Variants in TUBGCP4 observed in about 807,000 individuals in gnomAD.
TUBGCP4 encodes the protein tubulin gamma complex component 4, also known as gamma-tubulin complex component 4.
Under a neutral mutation model 91.6 loss-of-function variants are expected in TUBGCP4, and 54 were observed. The observed-to-expected ratio is 0.59, with a 90% CI of 0.47 to 0.74. The LOEUF is 0.74. TUBGCP4 is among the 30% of genes least tolerant of loss of function. The probability of loss-of-function intolerance (pLI) is 0.00; values close to 1 mark genes in which losing one functional copy is unlikely to be tolerated. For missense variants in TUBGCP4, 593 were observed against 800.9 expected, an observed-to-expected ratio of 0.74 and a Z score of 3.13; for synonymous variants, 297 against 302.8, an observed-to-expected ratio of 0.98 and a Z score of 0.20.
rs1283668255 is a variant in TUBGCP4 at position 43,373,102 on chromosome 15, T to G, written c.78+1670T>G. ...GTGCCAAGTGTTAATGAAAATTATT[T>G]TATTATATTGAATATGTATATACAT... On this transcript the variant is annotated intron_variant, in intron 1 of 17. Coordinates refer to ENST00000564079, the MANE Select transcript of TUBGCP4 (RefSeq NM_014444.5). Among the ~76,000 whole-genome samples, 3 of 152,198 alleles carry G rather than the reference T, an allele frequency of 2.0e-5. No homozygotes were observed. In the East Asian group the frequency reaches 5.8e-4, roughly 29 times the overall value.
chr15:43,376,621 A>G lies in TUBGCP4; in HGVS notation c.326A>G (p.Gln109Arg). ...PYRQALLDLE[Q>R]EFLGDPHLSI... is the part of the protein sequence containing the mutation. ...CGCCAAGCACTGCTTGATTTGGAAC[A>G]AGAGGTAAGAAGGAGGAGATATAGG... The change falls in exon 3 of 18, where the codon CAA (glutamine) becomes CGA (arginine). Residue 109 changes from glutamine to arginine, a missense_variant. By Grantham distance (43) the Gln-to-Arg change is conservative. Transcript: ENST00000564079. 1 of 1,614,198 alleles carries G rather than the reference A, an allele frequency of 6.2e-7. No individual in the cohort carries two copies. The highest frequency in any genetic ancestry group is 8.5e-7 in the Non-Finnish European group (1 of 1,180,038).
In TUBGCP4 at chr15:43,395,513, G is replaced by GT. The variant is rs199601830; in HGVS notation, c.1066-69dup. The GT allele has an allele frequency of 1.4e-3, 1,582 of 1,128,046 alleles. 14 individuals carry two copies. The African/African-American group carries it at 0.021, about 15-fold the overall frequency. 69.9% of individuals were successfully genotyped at this position (1,128,046 alleles called of 1,614,324 possible). A position where few individuals can be genotyped will look rare whatever the true frequency, so the allele number is the denominator to read the frequency against. Reference sequence around the variant, plus strand: ...TGAAATTAGAAATTACTGTATACATGTAATTCCTCAGGACAGTGAGGAGCT... The same window carrying GT: ...TGAAATTAGAAATTACTGTATACATGTTAATTCCTCAGGACAGTGAGGAGCT... On this transcript the variant is annotated intron_variant, in intron 10 of 17. Coordinates refer to ENST00000564079, the MANE Select transcript of TUBGCP4 (RefSeq NM_014444.5).
chr15:43,400,537 A>G (rs1177405703), intron 14 of TUBGCP4, among the ~76,000 whole-genome samples: 1 of 152,180 alleles, frequency 6.6e-6, no homozygotes, highest in Non-Finnish European at 1.5e-5. Context: ...AGCTATGACT[A>G]CAGATACATG....
At chr15:43,398,332 G>A (rs2044615339) in intron 13 of TUBGCP4, 153 bp downstream of exon 13, 3 of 731,564 alleles carry the variant, frequency 4.1e-6, no homozygotes, top group South Asian at 3.4e-5. Flanking sequence ...GATCCCTTAA[G>A]CCCAGGATTT....
chr15:43,400,308 T>C, intron 14 of TUBGCP4, 87 bp downstream of exon 14: 2 of 1,068,340 alleles, frequency 1.9e-6, no homozygotes, highest in Non-Finnish European at 2.6e-6. Flanking sequence ...ACTACAAGTT[T>C]CTATTTGATA....
At position 43,405,304 on chromosome 15, in the gene TUBGCP4, A is replaced by G; in HGVS notation, c.*90A>G. On this transcript the variant is annotated 3_prime_UTR_variant, in exon 18 of 18. Transcript: ENST00000564079. ...CATCCCATTCTAGCCACACACAAATAAATATCTGCGGCTTAGTGATAGGAC... is the reference window on the plus strand; with the variant it reads ...CATCCCATTCTAGCCACACACAAATGAATATCTGCGGCTTAGTGATAGGAC... 1 of 1,467,788 alleles carries G rather than the reference A, an allele frequency of 6.8e-7. No homozygotes were observed. The highest frequency in any genetic ancestry group is 9.5e-7 in the Non-Finnish European group (1 of 1,049,646). 90.9% of individuals were successfully genotyped at this position (1,467,788 alleles called of 1,614,324 possible).
Position 43,407,117 on chromosome 15 carries a change from C to CGTAA in TUBGCP4, c.*1906_*1909dup, listed in dbSNP as rs145601219. 1,008 of 376,512 alleles carry CGTAA rather than the reference C, an allele frequency of 2.7e-3. 5 individuals are homozygous for CGTAA. Among genetic ancestry groups the CGTAA allele is most frequent in the South Asian group, 8.2e-3 (206 of 25,202 alleles). 23.3% of individuals were successfully genotyped at this position (376,512 alleles called of 1,614,324 possible). A position where few individuals can be genotyped will look rare whatever the true frequency, so the allele number is the denominator to read the frequency against. ...TCAATTTCCTTGGCCAGCTGTCCTCCGTAAGTGAATAAGCCTGTTGAAAGA... is the reference window on the plus strand; with the variant it reads ...TCAATTTCCTTGGCCAGCTGTCCTCCGTAAGTAAGTGAATAAGCCTGTTGAAAGA... On this transcript the variant is annotated 3_prime_UTR_variant, in exon 18 of 18. Coordinates refer to ENST00000564079, the MANE Select transcript of TUBGCP4 (RefSeq NM_014444.5).
rs949167667 is a variant in TUBGCP4, at chr15:43,376,185, A to G, written c.166A>G (p.Thr56Ala). 6.2e-7 allele frequency: 1 copy of G among 1,614,030 alleles called. No individual in the cohort carries two copies. Among genetic ancestry groups the G allele is most frequent in the Non-Finnish European group, 8.5e-7 (1 of 1,180,006 alleles). ...CRLGTDYIRF[T>A]EFIEQYTGHV... ...GCTCGGCACAGACTATATTCGCTTCACTGAGTTCATTGAACAGTACACGGG... is the reference window on the plus strand; with the variant it reads ...GCTCGGCACAGACTATATTCGCTTCGCTGAGTTCATTGAACAGTACACGGG... Residue 56 changes from threonine to alanine, a missense_variant, in exon 2 of 18, where the codon ACT becomes GCT. Coordinates refer to ENST00000564079, the MANE Select transcript of TUBGCP4 (RefSeq NM_014444.5).
Position 43,405,194 on chromosome 15 carries a change from T to C in TUBGCP4, c.1989-8T>C, listed in dbSNP as rs368215860. On this transcript the variant is annotated splice_polypyrimidine_tract_variant and splice_region_variant and intron_variant, in intron 17 of 17. Transcript: ENST00000564079. The stretch of plus-strand genomic sequence containing the variant: ...GACACTTAATAAGGCTCTTTTTCTC[T>C]TTTGTAGTTTCGGGATGTGAAAATT... 27 of 1,614,054 alleles carry C rather than the reference T, an allele frequency of 1.7e-5. No individual in the cohort carries two copies. The African/African-American group carries it at 3.2e-4, about 19-fold the overall frequency.
In TUBGCP4 at chr15:43,377,139, T is replaced by C. The variant is rs2044218122; in HGVS notation, c.384+72T>C. On this transcript the variant is annotated intron_variant, in intron 4 of 17. Coordinates refer to ENST00000564079, the MANE Select transcript of TUBGCP4 (RefSeq NM_014444.5). Reference sequence around the variant, plus strand: ...TAGAATAATCTAATTTATGGTACTGTTTTTGAGAACTTTTTTTCTTCTGGA... The same window carrying C: ...TAGAATAATCTAATTTATGGTACTGCTTTTGAGAACTTTTTTTCTTCTGGA... 3.7e-6 allele frequency: 5 copies of C among 1,340,874 alleles called. No individual in the cohort carries two copies. The Admixed American group carries it at 9.2e-5, about 25-fold the overall frequency. The allele number at this position is 1,340,874 out of a possible 1,614,324, so 83.1% of individuals were successfully genotyped here. A position where few individuals can be genotyped will look rare whatever the true frequency, so the allele number is the denominator to read the frequency against.
chr15:43,401,778 T>A lies in TUBGCP4; in HGVS notation c.1659T>A (p.Phe553Leu), dbSNP rs1285114965. The change falls in exon 15 of 18, where the codon TTT becomes TTA. Residue 553 changes from phenylalanine (F) to leucine (L), a missense_variant. Physicochemically the swap from Phe to Leu is conservative, Grantham distance 22 (BLOSUM62 0). Transcript: ENST00000564079. ...LLHQINSTRD[F>L]ESIRLAHDHF... ...ATCAGATCAATTCTACCCGAGACTT[T>A]GAAAGCATCCGATTGGCTCATGACC... 1.2e-6 allele frequency: 2 copies of A among 1,614,166 alleles called. No individual in the cohort carries two copies. The highest frequency in any genetic ancestry group is 1.7e-6 in the Non-Finnish European group (2 of 1,180,014).
At chr15:43,401,057 G>T (rs989431084) in intron 14 of TUBGCP4, among the ~76,000 whole-genome samples, 1 of 151,952 alleles carries the variant, frequency 6.6e-6, no homozygotes, top group African/African-American at 2.4e-5. Flanking sequence ...ATTATTTATT[G>T]TTGACTTGCC....
intron 9 of TUBGCP4, among the ~76,000 whole-genome samples, chr15:43,393,531 G>A (rs1028662864): frequency 1.2e-4 from 18 of 151,788 alleles, no homozygotes; most frequent in Non-Finnish European, 1.8e-4. Context: ...GTGCCATGTT[G>A]GTGTGCTGCA....
Position 43,401,762 on chromosome 15 carries a change from A to T in TUBGCP4, c.1643A>T (p.Asn548Ile). 1.2e-6 allele frequency: 2 copies of T among 1,614,166 alleles called. No homozygotes were observed. Among genetic ancestry groups the T allele is most frequent in the Middle Eastern group, 1.6e-4 (1 of 6,062 alleles). Residue 548 changes from asparagine to isoleucine, a missense_variant, in exon 15 of 18, where the codon AAT (asparagine) becomes ATT (isoleucine). Transcript: ENST00000564079. ...TTCTCCCAGCTGCTTCATCAGATCA[A>T]TTCTACCCGAGACTTTGAAAGCATC... ...SQFSQLLHQI[N>I]STRDFESIRL...
At position 43,409,760 on chromosome 15, in the gene TUBGCP4, C is replaced by A. The variant is rs752038307; in HGVS notation, c.*4546C>A. ...AAAAATTCTATATTAAAAAAAAAAA[C>A]CAAGATAATAATTACTGAGTGGTTT... On this transcript the variant is annotated 3_prime_UTR_variant, in exon 18 of 18. Transcript: ENST00000564079. 134 of 1,221,468 alleles carry A rather than the reference C, an allele frequency of 1.1e-4. No individual in the cohort carries two copies. Among genetic ancestry groups the A allele is most frequent in the Non-Finnish European group, 1.4e-4 (122 of 871,228 alleles). 75.7% of individuals were successfully genotyped at this position (1,221,468 alleles called of 1,614,324 possible).
At position 43,400,047 on chromosome 15, in the gene TUBGCP4, C is replaced by T. The variant is rs763590453; in HGVS notation, c.1422C>T (p.Tyr474=). The T allele has an allele frequency of 5.6e-6, 9 of 1,609,942 alleles. No homozygotes were observed. In the South Asian group the frequency reaches 9.9e-5, roughly 18 times the overall value. Reference sequence around the variant, plus strand: ...TATCCTGTTATTTCTGTCCTAGGTACAATGTTGTTTTTAAGTACTTACTGA... The same window carrying T: ...TATCCTGTTATTTCTGTCCTAGGTATAATGTTGTTTTTAAGTACTTACTGA... ...ILFTPAVLEK[Y]NVVFKYLLSV... Residue 474 remains tyrosine, a synonymous_variant, in exon 14 of 18, where the codon TAC becomes TAT. Coordinates refer to ENST00000564079, the MANE Select transcript of TUBGCP4 (RefSeq NM_014444.5).
intron 17 of TUBGCP4, 50 bp from the exon 18 acceptor site, chr15:43,405,152 T>G: frequency 1.2e-6 from 2 of 1,606,734 alleles, no homozygotes; most frequent in Non-Finnish European, 1.7e-6. Flanking sequence ...TCTTTGAAGG[T>G]AGTCTTGGGA....
At position 43,408,164 on chromosome 15, in the gene TUBGCP4, G is replaced by C. The variant is rs1380531116; in HGVS notation, c.*2950G>C. 2.1e-6 allele frequency: 3 copies of C among 1,435,166 alleles called. No individual in the cohort carries two copies. The highest frequency in any genetic ancestry group is 4.6e-5 in the East Asian group (2 of 43,708). 88.9% of individuals were successfully genotyped at this position (1,435,166 alleles called of 1,614,324 possible). ...ACTGCCTTTCTGCAAAGGGACTCAT[G>C]TACATCTGAATGCTTTCAAAAATAA... On this transcript the variant is annotated 3_prime_UTR_variant, in exon 18 of 18. Transcript: ENST00000564079.
At position 43,405,506 on chromosome 15, in the gene TUBGCP4, T is replaced by G. The variant is rs1274148080; in HGVS notation, c.*292T>G. ...CAATAGTCATTTATTGAGCACCTAC[T>G]ACGTACCTTGGTACTGTTCAAGCTG... On this transcript the variant is annotated 3_prime_UTR_variant, in exon 18 of 18. Coordinates refer to ENST00000564079, the MANE Select transcript of TUBGCP4 (RefSeq NM_014444.5). 1 of 484,942 alleles carries G rather than the reference T, an allele frequency of 2.1e-6. No homozygotes were observed. Among genetic ancestry groups the G allele is most frequent in the Non-Finnish European group, 3.7e-6 (1 of 269,712 alleles). 30.0% of individuals were successfully genotyped at this position (484,942 alleles called of 1,614,324 possible). A position where few individuals can be genotyped will look rare whatever the true frequency, so the allele number is the denominator to read the frequency against.
Sources: allele counts gnomAD v4.1 joint callset (sites outside exome capture counted in the v4.1 genomes callset), GRCh38; gene constraint gnomAD v4.1.1; transcripts MANE v1.5; gene names NCBI Gene and HGNC (gene_info 2026-07-23, HGNC 2026-07-21).